Variants in STXBP5L observed in about 807,000 individuals in gnomAD.
STXBP5L encodes syntaxin binding protein 5L, also known as syntaxin-binding protein 5-like.
In STXBP5L, 65 loss-of-function variants were observed where a neutral mutation model predicts 144.5. That is an observed-to-expected ratio of 0.45 (90% CI 0.37 to 0.55). The LOEUF (loss-of-function observed/expected upper bound fraction) is 0.55. Ranked by LOEUF, STXBP5L falls within the 20% of genes least tolerant of loss-of-function variation. STXBP5L has a pLI of 0.00. For synonymous variants in STXBP5L, 505 were observed against 469.6 expected, an observed-to-expected ratio of 1.08 and a Z score of -0.97; for missense variants, 1,298 against 1,405.5, an observed-to-expected ratio of 0.92 and a Z score of 1.22.
intron 3 of STXBP5L, among the ~76,000 whole-genome samples, chr3:121,028,641 T>C (rs943076714): frequency 6.6e-6 from 1 of 152,126 alleles, no homozygotes; most frequent in Non-Finnish European, 1.5e-5. Context: ...TCATTTTCTT[T>C]GGAGATCTTG....
chr3:121,004,624 G>A lies in STXBP5L; in HGVS notation c.288-37076G>A, dbSNP rs1043486579. On this transcript the variant is annotated intron_variant, in intron 3 of 26. Transcript: ENST00000471454. ...TGGTGAGAGAGGGCATCCCTGTCTT[G>A]TGCCAGTTTTCAAAGGGAATGCTTC... Among the ~76,000 whole-genome samples, 84 of 152,036 alleles carry A rather than the reference G, an allele frequency of 5.5e-4. 1 individual carries two copies. The highest frequency in any genetic ancestry group is 3.3e-4 in the Admixed American group (5 of 15,252).
chr3:121,232,563 G>T (rs915748651), intron 11 of STXBP5L, among the ~76,000 whole-genome samples: 1 of 152,094 alleles, frequency 6.6e-6, no homozygotes, highest in African/African-American at 2.4e-5. Context: ...CCCTCAAGTG[G>T]ATCCCATCCC....
chr3:121,090,449 G>C lies in STXBP5L; in HGVS notation c.471-24476G>C, dbSNP rs555091996. Among the ~76,000 whole-genome samples, 11 of 152,196 alleles carry C rather than the reference G, an allele frequency of 7.2e-5. No homozygotes were observed. The South Asian group carries it at 1.9e-3, about 26-fold the overall frequency. ...ATTCTACTAACCCAATTCTCATTCA[G>C]AAATTGAAATATTTTATCCATATAG... On this transcript the variant is annotated intron_variant, in intron 5 of 26. Coordinates refer to ENST00000471454, the MANE Select transcript of STXBP5L (RefSeq NM_001308330.2).
intron 4 of STXBP5L, 42 bp downstream of exon 4, chr3:121,041,823 A>G: frequency 3.9e-6 from 5 of 1,271,496 alleles, no homozygotes; most frequent in Non-Finnish European, 5.7e-6. Context: ...ACACTCCCCC[A>G]CTACACAGTG....
intron 5 of STXBP5L, among the ~76,000 whole-genome samples, chr3:121,110,918 A>ATTCATTCCTT (rs1355002048): frequency 6.6e-6 from 1 of 151,956 alleles, no homozygotes; most frequent in Non-Finnish European, 1.5e-5. Flanking sequence ...TGGAGGTTTT[A>ATTCATTCCTT]TTCATTCCTT....
intron 3 of STXBP5L, among the ~76,000 whole-genome samples, chr3:120,984,458 G>A (rs1189129053): frequency 6.6e-6 from 1 of 151,848 alleles, no homozygotes; most frequent in African/African-American, 2.4e-5. Flanking sequence ...GAGATCTCCT[G>A]CATGCTGACT....
chr3:120,930,163 T>TC (rs1353782739), intron 2 of STXBP5L, among the ~76,000 whole-genome samples: 44 of 135,794 alleles, frequency 3.2e-4, no homozygotes, highest in Admixed American at 3.9e-4. Flanking sequence ...ATTTCTATTT[T>TC]CTTTTTTTTT....
chr3:121,141,813 TAAAG>T (rs919622286), intron 7 of STXBP5L, among the ~76,000 whole-genome samples: 2 of 151,774 alleles, frequency 1.3e-5, no homozygotes, highest in Non-Finnish European at 2.9e-5. Flanking sequence ...ATAAAAAACA[TAAAG>T]GAAGACAGCA....
At chr3:121,362,330 TGCAAGTA>T in intron 20 of STXBP5L, among the ~76,000 whole-genome samples, 1 of 152,326 alleles carries the variant, frequency 6.6e-6, no homozygotes, top group East Asian at 1.9e-4. Context: ...CTCTATGATC[TGCAAGTA>T]GCAAAGCCAG....
rs2044917287 is a variant in STXBP5L, at chr3:121,130,260, A to G, written c.669+8556A>G. Among the ~76,000 whole-genome samples, 3 of 152,090 alleles carry G rather than the reference A, an allele frequency of 2.0e-5. No homozygotes were observed. The South Asian group carries it at 6.2e-4, about 32-fold the overall frequency. ...TCATAGCAGTTACTATCCATTTTCA[A>G]AGCAACTCCTGACATGCTCCTGGGC... On this transcript the variant is annotated intron_variant, in intron 7 of 26. Coordinates refer to ENST00000471454, the MANE Select transcript of STXBP5L (RefSeq NM_001308330.2).
Position 120,977,625 on chromosome 3 carries a change from G to A in STXBP5L, c.287+22588G>A, listed in dbSNP as rs1010772622. On this transcript the variant is annotated intron_variant, in intron 3 of 26. Coordinates refer to ENST00000471454, the MANE Select transcript of STXBP5L (RefSeq NM_001308330.2). ...GTTATTTTGCTCCTTAGTTGAGGCA[G>A]TTTCTTCCTAGCTTCGATGGTCTTT... 6.6e-5 allele frequency among the ~76,000 whole-genome samples: 10 copies of A among 152,304 alleles called. No individual in the cohort carries two copies. The East Asian group carries it at 1.9e-3, about 29-fold the overall frequency.
At chr3:121,409,850 G>A (rs963624557) in intron 23 of STXBP5L, among the ~76,000 whole-genome samples, 2 of 151,678 alleles carry the variant, frequency 1.3e-5, no homozygotes, top group African/African-American at 2.4e-5. Flanking sequence ...ATATTTATGG[G>A]CCCTTTTCCC....
intron 5 of STXBP5L, among the ~76,000 whole-genome samples, chr3:121,094,922 C>T (rs2043034043): frequency 6.6e-6 from 1 of 152,078 alleles, no homozygotes; most frequent in Admixed American, 6.6e-5. Context: ...GGTTGTTCCT[C>T]TCCATGTTTA....
chr3:121,138,759 TAGATTAAA>T, intron 7 of STXBP5L, among the ~76,000 whole-genome samples: 1 of 152,022 alleles, frequency 6.6e-6, no homozygotes, highest in Non-Finnish European at 1.5e-5. Context: ...AAAATTAAAA[TAGATTAAA>T]TAATTAAGTG....
chr3:120,913,700 TAAAGCAGA>T (rs935496553), intron 2 of STXBP5L, among the ~76,000 whole-genome samples: 3 of 152,104 alleles, frequency 2.0e-5, no homozygotes, highest in Non-Finnish European at 4.4e-5. Flanking sequence ...TTGGTTTATT[TAAAGCAGA>T]GTAAGAAATT....
At position 121,407,794 on chromosome 3, in the gene STXBP5L, T is replaced by C. The variant is rs2047029008; in HGVS notation, c.2948+191T>C. The C allele has an allele frequency of 2.0e-5, 15 of 742,666 alleles. No homozygotes were observed. In the South Asian group the frequency reaches 3.2e-4, roughly 16 times the overall value. The allele number at this position is 742,666 out of a possible 1,614,324, so 46.0% of individuals were successfully genotyped here. On this transcript the variant is annotated intron_variant, in intron 23 of 26. Coordinates refer to ENST00000471454, the MANE Select transcript of STXBP5L (RefSeq NM_001308330.2). ...GGGTTTTGTGTTTTGTTTTGGTTTT[T>C]CTTTTCTGCTAAAAATGCTTGGCAT...
chr3:121,274,178 G>T (rs1022665383), intron 18 of STXBP5L, among the ~76,000 whole-genome samples: 1 of 152,004 alleles, frequency 6.6e-6, no homozygotes, highest in Non-Finnish European at 1.5e-5. Context: ...TTGTATATTT[G>T]AGGCAACAAG....
At chr3:121,068,562 A>G (rs2041658213) in intron 5 of STXBP5L, among the ~76,000 whole-genome samples, 1 of 152,140 alleles carries the variant, frequency 6.6e-6, no homozygotes, top group Admixed American at 6.6e-5. Context: ...GATCTAAAAT[A>G]GAGCATTTCT....
chr3:121,015,803 C>G lies in STXBP5L; in HGVS notation c.288-25897C>G, dbSNP rs562398099. 2.0e-5 allele frequency among the ~76,000 whole-genome samples: 3 copies of G among 152,292 alleles called. No homozygotes were observed. The East Asian group carries it at 5.8e-4, about 29-fold the overall frequency. On this transcript the variant is annotated intron_variant, in intron 3 of 26. Coordinates refer to ENST00000471454, the MANE Select transcript of STXBP5L (RefSeq NM_001308330.2). The stretch of plus-strand genomic sequence containing the variant: ...AAGGGCATTGCTCAACTTTAGCCAC[C>G]TTGGCCTTCCTGTCTCATCAGATGG...
Sources: gnomAD v4.1 joint callset for allele counts (sites outside exome capture counted in the v4.1 genomes callset) on GRCh38, gnomAD v4.1.1 for gene constraint, MANE v1.5 for transcripts, NCBI Gene and HGNC (gene_info 2026-07-23, HGNC 2026-07-21) for gene names.